The following PTPRD variants were observed in gnomAD, a reference collection of about 807,000 sequenced individuals.
PTPRD encodes receptor-type tyrosine-protein phosphatase delta.
A neutral mutation model predicts 214.5 loss-of-function variants in PTPRD; 34 were observed. The ratio of observed to expected loss-of-function variants is 0.16; its 90% CI spans 0.12 to 0.21. The LOEUF (loss-of-function observed/expected upper bound fraction) is 0.21. Among genes scored for constraint, PTPRD ranks in the 10% least tolerant of loss-of-function variants. The pLI is 1.00. For synonymous variants in PTPRD, 1,128 were observed against 845.7 expected (o/e 1.33, Z -5.79); for missense variants, 2,545 against 2,398.7 (o/e 1.06, Z -1.27).
intron 39 of PTPRD, among the ~76,000 whole-genome samples, chr9:8,343,472 A>C (rs975619269): frequency 1.3e-5 from 2 of 152,036 alleles, no homozygotes; most frequent in Non-Finnish European, 2.9e-5. Context: ...TGCAAACATT[A>C]ATATAGAGCA....
intron 9 of PTPRD, among the ~76,000 whole-genome samples, chr9:9,370,562 G>C (rs1470737215): frequency 6.6e-6 from 1 of 151,522 alleles, no homozygotes; most frequent in Admixed American, 6.6e-5. Context: ...TGCAAACAGG[G>C]ACAATTTGAC....
At chr9:9,372,501 G>A (rs1178546389) in intron 9 of PTPRD, among the ~76,000 whole-genome samples, 7 of 151,972 alleles carry the variant, frequency 4.6e-5, no homozygotes, top group South Asian at 2.1e-4. Context: ...TTGAGCCTAC[G>A]TGTGTCTCTG....
intron 10 of PTPRD, among the ~76,000 whole-genome samples, chr9:9,179,344 C>T (rs576498997): frequency 6.6e-6 from 1 of 152,182 alleles, no homozygotes; most frequent in African/African-American, 2.4e-5. Context: ...GTTATGTTCA[C>T]CCCACATATT....
intron 21 of PTPRD, among the ~76,000 whole-genome samples, chr9:8,508,834 T>C (rs1004985899): frequency 6.6e-6 from 1 of 151,982 alleles, no homozygotes; most frequent in African/African-American, 2.4e-5. Flanking sequence ...GAATTCCTAA[T>C]GATAATTTTA....
At chr9:8,763,715 T>C (rs992528019) in intron 11 of PTPRD, among the ~76,000 whole-genome samples, 1 of 151,654 alleles carries the variant, frequency 6.6e-6, no homozygotes, top group Non-Finnish European at 1.5e-5. Flanking sequence ...GGAATTTTGC[T>C]ATTTTTGAGA....
At chr9:9,297,301 A>T (rs920714069) in intron 9 of PTPRD, among the ~76,000 whole-genome samples, 1 of 151,732 alleles carries the variant, frequency 6.6e-6, no homozygotes, top group African/African-American at 2.4e-5. Flanking sequence ...TTTATAGGCC[A>T]GAAAATACAG....
At chr9:10,054,378 T>C (rs2097584310) in intron 3 of PTPRD, among the ~76,000 whole-genome samples, 1 of 152,170 alleles carries the variant, frequency 6.6e-6, no homozygotes, top group African/African-American at 2.4e-5. Flanking sequence ...TTTTTAAAGA[T>C]GGGATTGCTA....
At chr9:10,471,300 A>C (rs2099029623) in intron 2 of PTPRD, among the ~76,000 whole-genome samples, 2 of 152,044 alleles carry the variant, frequency 1.3e-5, no homozygotes, top group South Asian at 4.1e-4. Flanking sequence ...TATAATAAAA[A>C]ATAAATAAAA....
chr9:8,892,840 C>A (rs564227146), intron 11 of PTPRD, among the ~76,000 whole-genome samples: 1 of 151,602 alleles, frequency 6.6e-6, no homozygotes, highest in Non-Finnish European at 1.5e-5. Flanking sequence ...TGCAAAGGCC[C>A]AGAGAAATAA....
At chr9:9,989,970 G>A (rs1005090098) in intron 4 of PTPRD, among the ~76,000 whole-genome samples, 1 of 152,194 alleles carries the variant, frequency 6.6e-6, no homozygotes, top group Non-Finnish European at 1.5e-5. Flanking sequence ...TCCCGCAAAG[G>A]GGTCAAGGGG....
At chr9:10,117,025 A>G (rs2098735792) in intron 3 of PTPRD, among the ~76,000 whole-genome samples, 1 of 152,076 alleles carries the variant, frequency 6.6e-6, no homozygotes, top group Non-Finnish European at 1.5e-5. Context: ...GCTTCTAATT[A>G]TACTACATAA....
At chr9:9,918,864 A>G (rs1602113499) in intron 5 of PTPRD, among the ~76,000 whole-genome samples, 1 of 152,038 alleles carries the variant, frequency 6.6e-6, no homozygotes, top group South Asian at 2.1e-4. Flanking sequence ...GAAGAATTAG[A>G]CCCCTGCCTC....
intron 33 of PTPRD, among the ~76,000 whole-genome samples, chr9:8,451,255 C>T (rs921602513): frequency 6.6e-6 from 1 of 152,146 alleles, no homozygotes; most frequent in African/African-American, 2.4e-5. Flanking sequence ...AGACATGTTG[C>T]TTTCTCGGTA....
At chr9:9,250,460 A>G (rs2099975025) in intron 9 of PTPRD, among the ~76,000 whole-genome samples, 1 of 152,102 alleles carries the variant, frequency 6.6e-6, no homozygotes, top group South Asian at 2.1e-4. Flanking sequence ...CAAGGAATGC[A>G]AACCCTCTGC....
At chr9:8,710,768 A>G (rs115752371) in intron 12 of PTPRD, among the ~76,000 whole-genome samples, 2,413 of 152,326 alleles carry the variant, frequency 0.016, 56 homozygotes, top group African/African-American at 0.047. Flanking sequence ...AATACTTTAG[A>G]TAAGTCTTAT....
At chr9:9,898,113 C>T (rs1478823128) in intron 5 of PTPRD, among the ~76,000 whole-genome samples, 2 of 151,986 alleles carry the variant, frequency 1.3e-5, no homozygotes, top group Non-Finnish European at 2.9e-5. Flanking sequence ...CTGTTTTCTC[C>T]TGTTTTTAAT....
chr9:10,118,110 C>T (rs2098745452), intron 3 of PTPRD, among the ~76,000 whole-genome samples: 1 of 151,896 alleles, frequency 6.6e-6, no homozygotes, highest in South Asian at 2.1e-4. Flanking sequence ...AAGTCATCTA[C>T]CTGTGAGGTT....
At chr9:10,570,835 G>A (rs1438913296) in intron 2 of PTPRD, among the ~76,000 whole-genome samples, 2 of 151,482 alleles carry the variant, frequency 1.3e-5, no homozygotes, top group Admixed American at 6.6e-5. Flanking sequence ...CTCCTATGTC[G>A]TCAGTATTAC....
At chr9:9,653,186 C>T (rs2096411330) in intron 7 of PTPRD, among the ~76,000 whole-genome samples, 1 of 147,372 alleles carries the variant, frequency 6.8e-6, no homozygotes, top group African/African-American at 2.5e-5. Context: ...ACTAAAAATA[C>T]AAAAAATTAG....
Sources: allele counts gnomAD v4.1 joint callset (sites outside exome capture counted in the v4.1 genomes callset), GRCh38; gene constraint gnomAD v4.1.1; transcripts MANE v1.5; gene names NCBI Gene and HGNC (gene_info 2026-07-23, HGNC 2026-07-21).